SPRING1: variants seen among roughly 807,000 people sequenced by gnomAD.
The protein encoded by SPRING1 is SREBF pathway regulator in golgi 1.
A neutral mutation model predicts 24.7 loss-of-function variants in SPRING1; 14 were observed. The ratio of observed to expected loss-of-function variants is 0.57; its 90% CI spans 0.37 to 0.88. The LOEUF is 0.88. SPRING1 is among the 40% of genes least tolerant of loss of function. The pLI is 0.00. For synonymous variants in SPRING1, 93 were observed against 106.1 expected (o/e 0.88, Z 0.76); for missense variants, 255 against 268.4 (o/e 0.95, Z 0.35).
In SPRING1 at chr12:116,716,009, C is replaced by T. The variant is rs1870109745; in HGVS notation, c.*1801G>A. On this transcript the variant is annotated 3_prime_UTR_variant, in exon 5 of 5. Coordinates refer to ENST00000261318, the MANE Select transcript of SPRING1 (RefSeq NM_024738.4). ...ATAAGCTCAAAGGAGAGGCTGATTC[C>T]AATGTCAACCCAGGGAAGACAGACA... The T allele has an allele frequency of 1.3e-5, 2 of 152,128 alleles. No homozygotes were observed. The highest frequency in any genetic ancestry group is 4.8e-5 in the African/African-American group (2 of 41,418). The allele number at this position is 152,128 out of a possible 1,614,324, so 9.4% of individuals were successfully genotyped here.
chr12:116,734,179 T>A (rs1871122350), intron 1 of SPRING1, among the ~76,000 whole-genome samples: 1 of 152,156 alleles, frequency 6.6e-6, no homozygotes, highest in Non-Finnish European at 1.5e-5. Context: ...ACCCAGCCCA[T>A]TTTATATCTT....
In SPRING1 at chr12:116,714,903, T is replaced by A. The variant is rs1870047135; in HGVS notation, c.*2907A>T. The A allele has an allele frequency of 6.6e-6, 1 of 151,426 alleles. No individual in the cohort carries two copies. The highest frequency in any genetic ancestry group is 1.5e-5 in the Non-Finnish European group (1 of 67,926). The allele number at this position is 151,426 out of a possible 1,614,324, so 9.4% of individuals were successfully genotyped here. ...GCTTGTCTCAGAGCCCTTTTCACAG[T>A]CTCTTGTGTGCTTCTTTCCCTGTTA... On this transcript the variant is annotated 3_prime_UTR_variant, in exon 5 of 5. Coordinates refer to ENST00000261318, the MANE Select transcript of SPRING1 (RefSeq NM_024738.4).
chr12:116,718,637 T>TA (rs1870269676), intron 4 of SPRING1, among the ~76,000 whole-genome samples: 1 of 152,214 alleles, frequency 6.6e-6, no homozygotes, highest in Non-Finnish European at 1.5e-5. Flanking sequence ...CTTTTTATGG[T>TA]AAAAAAGACC....
Position 116,717,687 on chromosome 12 carries a change from G to A in SPRING1, c.*123C>T, listed in dbSNP as rs1273693419. 5.1e-5 allele frequency: 44 copies of A among 859,306 alleles called. No homozygotes were observed. The highest frequency in any genetic ancestry group is 6.3e-5 in the Non-Finnish European group (36 of 571,566). 53.2% of individuals were successfully genotyped at this position (859,306 alleles called of 1,614,324 possible). On this transcript the variant is annotated 3_prime_UTR_variant, in exon 5 of 5. Transcript: ENST00000261318. The surrounding 1 kb of genome is among the most constrained non-coding windows in gnomAD (Gnocchi z 4.2). ...CAACACGAGAAGGGGTCAAAGCCAA[G>A]GTTTCCTCACGCTGCCTTTGTCTTC...
intron 1 of SPRING1, among the ~76,000 whole-genome samples, chr12:116,736,721 T>C (rs1387371652): frequency 2.6e-5 from 4 of 152,212 alleles, no homozygotes; most frequent in East Asian, 1.9e-4. Context: ...CCTGGACTTC[T>C]AGACAAACTT....
intron 1 of SPRING1, among the ~76,000 whole-genome samples, chr12:116,732,478 C>A (rs896982493): frequency 6.6e-6 from 1 of 152,070 alleles, no homozygotes; most frequent in Non-Finnish European, 1.5e-5. Context: ...GAGGCCGAGG[C>A]GGGCAGATCA....
Position 116,737,976 on chromosome 12 carries a change from C to G in SPRING1, c.-76G>C. On this transcript the variant is annotated 5_prime_UTR_variant, in exon 1 of 5. Transcript: ENST00000261318. ...CGGGTCCCGGGCGGCATGGCCCCTA[C>G]GCGCCCGGCAGCCCCATCCCTCCAG... The G allele has an allele frequency of 1.6e-6, 2 of 1,225,486 alleles. No homozygotes were observed. Among genetic ancestry groups the G allele is most frequent in the South Asian group, 3.2e-5 (1 of 31,280 alleles). The allele number at this position is 1,225,486 out of a possible 1,614,324, so 75.9% of individuals were successfully genotyped here. A position where few individuals can be genotyped will look rare whatever the true frequency, so the allele number is the denominator to read the frequency against.
chr12:116,722,463 G>A (rs945638703), intron 2 of SPRING1, among the ~76,000 whole-genome samples: 9 of 152,154 alleles, frequency 5.9e-5, no homozygotes, highest in African/African-American at 2.2e-4. Flanking sequence ...GTCAATGTCT[G>A]CCCACTGACT....
chr12:116,723,284 A>T (rs1870533143), intron 1 of SPRING1, 61 bp from the exon 2 acceptor site: 1 of 1,581,178 alleles, frequency 6.3e-7, no homozygotes, highest in Middle Eastern at 1.8e-4. Flanking sequence ...CAATTTCACC[A>T]GTTTTTCACA....
intron 1 of SPRING1, among the ~76,000 whole-genome samples, chr12:116,737,574 G>A (rs1280760391): frequency 2.1e-5 from 3 of 142,834 alleles, no homozygotes; most frequent in Non-Finnish European, 3.1e-5. Context: ...GGCAGGGAGA[G>A]GGGAAGGAAG....
At chr12:116,725,457 G>A (rs192581032) in intron 1 of SPRING1, among the ~76,000 whole-genome samples, 46 of 152,250 alleles carry the variant, frequency 3.0e-4, no homozygotes, top group Non-Finnish European at 5.3e-4. Flanking sequence ...TGGGAGGGAC[G>A]TATGTGGTTA....
intron 1 of SPRING1, among the ~76,000 whole-genome samples, chr12:116,735,036 C>T (rs1211193320): frequency 1.3e-5 from 2 of 152,192 alleles, no homozygotes; most frequent in Non-Finnish European, 2.9e-5. Context: ...GTGGCTTGGC[C>T]TAGAGTGACA....
At chr12:116,722,094 T>C (rs1870463771) in intron 2 of SPRING1, among the ~76,000 whole-genome samples, 1 of 152,230 alleles carries the variant, frequency 6.6e-6, no homozygotes, top group Admixed American at 6.5e-5. Flanking sequence ...AATGATCTTA[T>C]TTAATAATGT....
chr12:116,723,110 G>A lies in SPRING1; in HGVS notation c.225C>T (p.Cys75=), dbSNP rs754633278. ...LGNSSRPSNQ[C]RNSIQGKHLI... ...GGTGCTTCCCTTGAATGGAGTTGCG[G>A]CACTGATTGCTCGGACGACTGCTAT... Residue 75 remains cysteine, a synonymous_variant, in exon 2 of 5, where the codon TGC becomes TGT. Transcript: ENST00000261318. 4 of 1,612,704 alleles carry A rather than the reference G, an allele frequency of 2.5e-6. No homozygotes were observed. Among genetic ancestry groups the A allele is most frequent in the African/African-American group, 2.7e-5 (2 of 74,904 alleles).
intron 1 of SPRING1, among the ~76,000 whole-genome samples, chr12:116,731,267 G>A (rs766829632): frequency 6.6e-6 from 1 of 152,184 alleles, no homozygotes; most frequent in Non-Finnish European, 1.5e-5. Flanking sequence ...CCCTTGCTAA[G>A]GTACTGGCTT....
intron 4 of SPRING1, 112 bp downstream of exon 4, chr12:116,719,651 C>T (rs552136393): frequency 2.0e-5 from 16 of 805,744 alleles, no homozygotes; most frequent in Middle Eastern, 3.6e-4. Flanking sequence ...GACACGGCTT[C>T]GAGTCTCTTC....
At position 116,734,190 on chromosome 12, in the gene SPRING1, T is replaced by C. The variant is rs368509219; in HGVS notation, c.111+3600A>G. ...TCGCACCCAGCCCATTTTATATCTT[T>C]TATACAGTATTTTTACTGTACCTTT... is the stretch of plus-strand genomic sequence containing the variant. On this transcript the variant is annotated intron_variant, in intron 1 of 4. Coordinates refer to ENST00000261318, the MANE Select transcript of SPRING1 (RefSeq NM_024738.4). 3.9e-5 allele frequency among the ~76,000 whole-genome samples: 6 copies of C among 152,350 alleles called. No homozygotes were observed. The East Asian group carries it at 5.8e-4, about 15-fold the overall frequency.
intron 4 of SPRING1, among the ~76,000 whole-genome samples, chr12:116,719,434 G>C (rs1870311279): frequency 6.6e-6 from 1 of 152,158 alleles, no homozygotes; most frequent in Non-Finnish European, 1.5e-5. Context: ...AAGACAGGGA[G>C]GAGGGCCTTC....
At chr12:116,733,447 T>C (rs1871088367) in intron 1 of SPRING1, among the ~76,000 whole-genome samples, 1 of 147,204 alleles carries the variant, frequency 6.8e-6, no homozygotes, top group South Asian at 2.1e-4. Context: ...CCTCCCAAAG[T>C]GCTGGGAATT....
Sources: allele counts gnomAD v4.1 joint callset (sites outside exome capture counted in the v4.1 genomes callset), GRCh38; gene constraint gnomAD v4.1.1; non-coding constraint Gnocchi (gnomAD v3.1); transcripts MANE v1.5; gene names NCBI Gene and HGNC (gene_info 2026-07-23, HGNC 2026-07-21).